The following FGF18 variants were observed in gnomAD, a reference collection of about 807,000 sequenced individuals.
The protein encoded by FGF18 is fibroblast growth factor 18.
A neutral mutation model predicts 23.0 loss-of-function variants in FGF18; 5 were observed. That is an observed-to-expected ratio of 0.22 (90% CI 0.11 to 0.46). FGF18 has a LOEUF of 0.46. FGF18 is among the 20% of genes least tolerant of loss of function. The pLI, the probability that FGF18 is intolerant of heterozygous loss-of-function variation, is 0.99. For missense variants in FGF18, 180 were observed against 291.6 expected (o/e 0.62, Z 2.79); for synonymous variants, 117 against 118.9 (o/e 0.98, Z 0.10).
intron 3 of FGF18, among the ~76,000 whole-genome samples, chr5:171,443,501 ATTTTTTTTTTTTT>A (rs59576538): frequency 1.1e-4 from 7 of 63,776 alleles, no homozygotes; most frequent in Non-Finnish European, 1.9e-4. Context: ...TGTTATCATC[ATTTTTTTTTTTTT>A]TTTTTTTTTT....
intron 4 of FGF18, among the ~76,000 whole-genome samples, chr5:171,454,016 C>G (rs1581281282): frequency 2.0e-5 from 3 of 152,278 alleles, no homozygotes; most frequent in Admixed American, 2.0e-4. Context: ...AACTGAGAAG[C>G]AGCCCTGACC....
intron 3 of FGF18, among the ~76,000 whole-genome samples, chr5:171,446,744 G>A (rs1285067643): frequency 6.6e-6 from 1 of 152,116 alleles, no homozygotes; most frequent in African/African-American, 2.4e-5. Context: ...CCTTGCACAG[G>A]TAGGGAAACT....
At chr5:171,427,508 G>A (rs1300818264) in intron 2 of FGF18, among the ~76,000 whole-genome samples, 3 of 152,186 alleles carry the variant, frequency 2.0e-5, no homozygotes, top group Non-Finnish European at 4.4e-5. Context: ...AAGACTGTGT[G>A]GCCTTGGGCG....
At chr5:171,429,042 G>A (rs925873498) in intron 2 of FGF18, among the ~76,000 whole-genome samples, 4 of 152,198 alleles carry the variant, frequency 2.6e-5, no homozygotes, top group African/African-American at 9.6e-5. Context: ...GGGTGGGGAA[G>A]GGCCCTTTGC....
chr5:171,451,242 C>G lies in FGF18; in HGVS notation c.357+1989C>G, dbSNP rs915408159. Among the ~76,000 whole-genome samples the G allele has an allele frequency of 2.6e-5, 4 of 152,140 alleles. No homozygotes were observed. Among genetic ancestry groups the G allele is most frequent in the Non-Finnish European group, 2.9e-5 (2 of 68,000 alleles). ...CGGCCCCGGCCCCCGGCGCCTCCCCCGCTCCCGCCCAGGCCTCCACGCCCG... is the reference window on the plus strand; with the variant it reads ...CGGCCCCGGCCCCCGGCGCCTCCCCGGCTCCCGCCCAGGCCTCCACGCCCG... On this transcript the variant is annotated intron_variant, in intron 4 of 4. Transcript: ENST00000274625. This position sits in a 1 kb window ranked among gnomAD's most constrained non-coding sequence, Gnocchi z 4.5.
Position 171,422,545 on chromosome 5 carries a change from A to G in FGF18, c.69+2102A>G, listed in dbSNP as rs138667820. Among the ~76,000 whole-genome samples the G allele has an allele frequency of 2.1e-3, 314 of 152,312 alleles. 3 individuals are homozygous for G. Among genetic ancestry groups the G allele is most frequent in the African/African-American group, 7.1e-3 (295 of 41,564 alleles). On this transcript the variant is annotated intron_variant, in intron 2 of 4. Coordinates refer to ENST00000274625, the MANE Select transcript of FGF18 (RefSeq NM_003862.3). ...CTCCCCACAGAGTTTCAAAACATCT[A>G]TGACCCCTAAAGATAAAGAAATGTT... is the stretch of plus-strand genomic sequence containing the variant.
rs748157808 is a variant in FGF18, at chr5:171,456,510, C to T, written c.358-29C>T. On this transcript the variant is annotated intron_variant, in intron 4 of 4. Transcript: ENST00000274625. The surrounding 1 kb of genome is among the most constrained non-coding windows in gnomAD (Gnocchi z 6.1). ...GCAAGCATAACTGAGTCATTTTTTT[C>T]TTGAACACTCCCCCTCTCTCCCCTG... The T allele has an allele frequency of 4.4e-6, 7 of 1,591,098 alleles. No individual in the cohort carries two copies. The Admixed American group carries it at 9.0e-5, about 20-fold the overall frequency.
At chr5:171,424,225 G>C (rs906939779) in intron 2 of FGF18, among the ~76,000 whole-genome samples, 1 of 152,110 alleles carries the variant, frequency 6.6e-6, no homozygotes, top group Admixed American at 6.6e-5. Context: ...CAGATGAACA[G>C]AGCCTTGTCT....
chr5:171,449,427 GGAGAGA>G (rs753821843), intron 4 of FGF18, among the ~76,000 whole-genome samples, 174 bp downstream of exon 4: 1 of 146,458 alleles, frequency 6.8e-6, no homozygotes, highest in African/African-American at 2.5e-5. Context: ...GAGAGAGACA[GGAGAGA>G]GAGAGAGAGA....
intron 3 of FGF18, among the ~76,000 whole-genome samples, chr5:171,442,062 C>T (rs1243388025): frequency 1.3e-5 from 2 of 152,112 alleles, no homozygotes; most frequent in Non-Finnish European, 2.9e-5. Context: ...CCTCTGAGCT[C>T]ATGTCCCACA....
At chr5:171,422,625 G>A (rs1772032435) in intron 2 of FGF18, among the ~76,000 whole-genome samples, 1 of 152,172 alleles carries the variant, frequency 6.6e-6, no homozygotes, top group Non-Finnish European at 1.5e-5. Context: ...CACACTACAG[G>A]GGCAAAGGTG....
In FGF18 at chr5:171,419,743, C is replaced by G. The variant is rs1434625041; in HGVS notation, c.-457C>G. On this transcript the variant is annotated 5_prime_UTR_variant, in exon 1 of 5. Transcript: ENST00000274625. ...CGGCCGTGACGCTTTCGCGCTGCAG[C>G]CGCGCGCCCCGACCCCGGAGCGCTG... 1 of 151,504 alleles carries G rather than the reference C, an allele frequency of 6.6e-6. No homozygotes were observed. The highest frequency in any genetic ancestry group is 2.4e-5 in the African/African-American group (1 of 41,380). The allele number at this position is 151,504 out of a possible 1,614,324, so 9.4% of individuals were successfully genotyped here.
chr5:171,431,417 G>A (rs1483664026), intron 2 of FGF18, among the ~76,000 whole-genome samples: 1 of 152,184 alleles, frequency 6.6e-6, no homozygotes, highest in Non-Finnish European at 1.5e-5. Context: ...GCAGAAGGTG[G>A]GTGGGCTCTG....
At position 171,440,679 on chromosome 5, in the gene FGF18, T is replaced by A. The variant is rs1279460886; in HGVS notation, c.250+4406T>A. 6.6e-6 allele frequency among the ~76,000 whole-genome samples: 1 copy of A among 152,090 alleles called. No homozygotes were observed. Among genetic ancestry groups the A allele is most frequent in the Non-Finnish European group, 1.5e-5 (1 of 67,994 alleles). On this transcript the variant is annotated intron_variant, in intron 3 of 4. Transcript: ENST00000274625. The surrounding 1 kb of genome is among the most constrained non-coding windows in gnomAD (Gnocchi z 4.0). ...CCCTGAGCCTCGGTTTCCCCACCTGTAATGTGGGTGGGGTAAAGGGTGTGC... is the reference window on the plus strand; with the variant it reads ...CCCTGAGCCTCGGTTTCCCCACCTGAAATGTGGGTGGGGTAAAGGGTGTGC...
intron 3 of FGF18, among the ~76,000 whole-genome samples, chr5:171,445,505 T>G (rs935262701): frequency 2.6e-5 from 4 of 151,056 alleles, no homozygotes; most frequent in African/African-American, 9.7e-5. Flanking sequence ...ACTACAGGTG[T>G]GCGCCACAAT....
chr5:171,447,920 G>T (rs1581278593), intron 3 of FGF18, among the ~76,000 whole-genome samples: 1 of 152,252 alleles, frequency 6.6e-6, no homozygotes, highest in East Asian at 1.9e-4. Flanking sequence ...CACGAATTGG[G>T]AGTGGGGCGG....
chr5:171,453,777 G>A (rs1772547194), intron 4 of FGF18, among the ~76,000 whole-genome samples: 1 of 152,078 alleles, frequency 6.6e-6, no homozygotes, highest in Non-Finnish European at 1.5e-5. Context: ...AATTTCTAGG[G>A]CTCAGCTTGC....
chr5:171,419,801 C>T lies in FGF18; in HGVS notation c.-399C>T, dbSNP rs1390012955. 6.6e-6 allele frequency: 1 copy of T among 151,616 alleles called. No individual in the cohort carries two copies. The highest frequency in any genetic ancestry group is 2.4e-5 in the African/African-American group (1 of 41,354). 9.4% of individuals were successfully genotyped at this position (151,616 alleles called of 1,614,324 possible). A position where few individuals can be genotyped will look rare whatever the true frequency, so the allele number is the denominator to read the frequency against. On this transcript the variant is annotated 5_prime_UTR_variant, in exon 1 of 5. Coordinates refer to ENST00000274625, the MANE Select transcript of FGF18 (RefSeq NM_003862.3). ...GCCCCACGCAGCTCCGCGCCCGGGC[C>T]GGAGAGCGCAACTCGGCTTCCAGAC...
intron 4 of FGF18, among the ~76,000 whole-genome samples, chr5:171,449,965 T>G (rs188538721): frequency 5.9e-5 from 9 of 152,160 alleles, no homozygotes; most frequent in African/African-American, 2.2e-4. Flanking sequence ...TGAACTGGCT[T>G]CCTCTGGGTG....
Sources: gnomAD v4.1 joint callset for allele counts (sites outside exome capture counted in the v4.1 genomes callset) on GRCh38, gnomAD v4.1.1 for gene constraint, Gnocchi (gnomAD v3.1) non-coding constraint, MANE v1.5 for transcripts, NCBI Gene and HGNC (gene_info 2026-07-23, HGNC 2026-07-21) for gene names.